The following PCDH11X variants were observed in gnomAD, a reference collection of about 807,000 sequenced individuals.
The protein encoded by PCDH11X is protocadherin-11 X-linked.
PCDH11X carries 18 observed loss-of-function variants against 53.3 expected under a neutral mutation model. That is an observed-to-expected ratio of 0.34 (90% CI 0.23 to 0.50). The LOEUF (loss-of-function observed/expected upper bound fraction) is 0.50. PCDH11X is among the 20% of genes least tolerant of loss of function. The pLI, the probability that PCDH11X is intolerant of heterozygous loss-of-function variation, is 0.98. For synonymous variants in PCDH11X, 279 were observed against 393.3 expected, an observed-to-expected ratio of 0.71 and a Z score of 3.44; for missense variants, 570 against 1,032.4, an observed-to-expected ratio of 0.55 and a Z score of 6.14.
intron 6 of PCDH11X, among the ~76,000 whole-genome samples, chrX:92,113,061 A>G (rs1347056506): frequency 9.3e-6 from 1 of 107,936 alleles, no homozygotes; most frequent in Non-Finnish European, 1.9e-5. Context: ...CAGTACTTCT[A>G]CTTTAACCAT....
chrX:92,177,857 ATAAAT>A lies in PCDH11X; in HGVS notation c.3034-23515_3034-23511del, dbSNP rs1466548697. 9.0e-5 allele frequency among the ~76,000 whole-genome samples: 10 copies of A among 110,828 alleles called. No individual in the cohort carries two copies. In the South Asian group the frequency reaches 1.1e-3, roughly 12 times the overall value. ...CAATTTGGAAAATTATATATTAATG[ATAAAT>A]TATATTATATATACATATACACACA... On this transcript the variant is annotated intron_variant, in intron 6 of 10. Transcript: ENST00000682573.
intron 8 of PCDH11X, among the ~76,000 whole-genome samples, chrX:92,346,518 A>T (rs185181000): frequency 9.0e-6 from 1 of 111,652 alleles, no homozygotes; most frequent in Non-Finnish European, 1.9e-5. Context: ...CTTGAACTTT[A>T]TCTTACCATC....
intron 6 of PCDH11X, chrX:91,982,540 A>G (rs1290124419): frequency 3.8e-5 from 16 of 420,872 alleles, no homozygotes; most frequent in Non-Finnish European, 5.8e-5. Flanking sequence ...TGGAGGGGTA[A>G]CATATTTAGC....
rs1193523893 is a variant in PCDH11X at position 91,989,288 on chromosome X, C to T, written c.3033+110015C>T. Among the ~76,000 whole-genome samples the T allele has an allele frequency of 8.1e-5, 9 of 111,027 alleles. No individual in the cohort carries two copies. In the East Asian group the frequency reaches 2.0e-3, roughly 24 times the overall value. ...GAAAGAAGAAGAAAAGAAGGCCGGG[C>T]GCGGTGGCTCATGCCTGTAATCCCA... On this transcript the variant is annotated intron_variant, in intron 6 of 10. Transcript: ENST00000682573.
intron 6 of PCDH11X, among the ~76,000 whole-genome samples, chrX:91,888,522 G>C (rs1377464909): frequency 9.1e-6 from 1 of 109,478 alleles, no homozygotes; most frequent in Non-Finnish European, 1.9e-5. Context: ...GGGTTTGGTG[G>C]TGCATATCTG....
At chrX:92,148,161 C>T (rs867450538) in intron 6 of PCDH11X, among the ~76,000 whole-genome samples, 7 of 20,475 alleles carry the variant, frequency 3.4e-4, no homozygotes, top group Non-Finnish European at 5.5e-4. Context: ...TCCTTCCTTC[C>T]TTCCTTCCTT....
chrX:92,157,435 A>T (rs2065557576), intron 6 of PCDH11X, among the ~76,000 whole-genome samples: 1 of 111,921 alleles, frequency 8.9e-6, no homozygotes, highest in Non-Finnish European at 1.9e-5. Flanking sequence ...AAAGTGAAGG[A>T]TATAGATCCA....
At chrX:92,404,543 A>G (rs1289057906) in intron 9 of PCDH11X, among the ~76,000 whole-genome samples, 3 of 110,665 alleles carry the variant, frequency 2.7e-5, no homozygotes, top group Non-Finnish European at 5.7e-5. Flanking sequence ...AAATTTATAC[A>G]AGACATTTAT....
intron 5 of PCDH11X, among the ~76,000 whole-genome samples, chrX:91,869,283 C>CATACTGAG (rs1420406736): frequency 9.0e-6 from 1 of 110,571 alleles, no homozygotes; most frequent in Admixed American, 9.6e-5. Flanking sequence ...ATAAGTTTCT[C>CATACTGAG]ATACTGAGAG....
At chrX:92,566,777 G>A (rs1205548850) in intron 10 of PCDH11X, among the ~76,000 whole-genome samples, 1 of 111,849 alleles carries the variant, frequency 8.9e-6, no homozygotes, top group African/African-American at 3.2e-5. Flanking sequence ...CTTTTTGCCA[G>A]TTAGAAAAGT....
intron 10 of PCDH11X, among the ~76,000 whole-genome samples, chrX:92,584,789 C>CTTTTTTTTTTTTTTT (rs1171667582): frequency 1.5e-5 from 1 of 65,113 alleles, no homozygotes; most frequent in African/African-American, 7.0e-5. Context: ...TCTTTTTTTC[C>CTTTTTTTTTTTTTTT]TTTTTTTTTT....
intron 6 of PCDH11X, among the ~76,000 whole-genome samples, chrX:91,926,312 A>G (rs2037391559): frequency 9.1e-6 from 1 of 110,181 alleles, no homozygotes; most frequent in African/African-American, 3.3e-5. Flanking sequence ...TCAGGCCTTC[A>G]GTTGATTGGA....
At chrX:91,946,076 A>T (rs1001192849) in intron 6 of PCDH11X, among the ~76,000 whole-genome samples, 1 of 109,251 alleles carries the variant, frequency 9.2e-6, no homozygotes, top group African/African-American at 3.3e-5. Flanking sequence ...GAAACGGAAT[A>T]CTCAGAGCCA....
chrX:92,582,325 G>T (rs1334577299), intron 10 of PCDH11X, among the ~76,000 whole-genome samples: 1 of 108,063 alleles, frequency 9.3e-6, no homozygotes, highest in Non-Finnish European at 1.9e-5. Context: ...CCCCTGTTAT[G>T]CACAGGCTAG....
chrX:92,216,403 A>G (rs1342592873), intron 7 of PCDH11X, among the ~76,000 whole-genome samples: 5 of 105,755 alleles, frequency 4.7e-5, no homozygotes, highest in Non-Finnish European at 9.8e-5. Context: ...TATGTGAAGA[A>G]TGCAGAAGCC....
chrX:91,948,891 A>G (rs1296030173), intron 6 of PCDH11X, among the ~76,000 whole-genome samples: 2 of 110,589 alleles, frequency 1.8e-5, no homozygotes, highest in Non-Finnish European at 3.8e-5. Flanking sequence ...TAAGATATAG[A>G]AGGTGAGGAT....
intron 9 of PCDH11X, among the ~76,000 whole-genome samples, chrX:92,453,085 T>G (rs914911007): frequency 2.5e-4 from 26 of 105,705 alleles, no homozygotes; most frequent in Non-Finnish European, 4.2e-4. Flanking sequence ...TCTCCACTTC[T>G]CTTAAATCTG....
intron 10 of PCDH11X, among the ~76,000 whole-genome samples, chrX:92,477,917 G>A (rs748666984): frequency 2.4e-3 from 254 of 106,200 alleles, no homozygotes; most frequent in African/African-American, 8.3e-3. Flanking sequence ...GTTTGGCTCT[G>A]TGTTCCCCTC....
chrX:92,424,648 C>G (rs2072064200), intron 9 of PCDH11X, among the ~76,000 whole-genome samples: 1 of 97,302 alleles, frequency 1.0e-5, no homozygotes, highest in East Asian at 3.0e-4. Flanking sequence ...CTCTATACCT[C>G]TGTCGAGCTT....
Sources: gnomAD v4.1 joint callset for allele counts (sites outside exome capture counted in the v4.1 genomes callset) on GRCh38, gnomAD v4.1.1 for gene constraint, MANE v1.5 for transcripts, NCBI Gene and HGNC (gene_info 2026-07-23, HGNC 2026-07-21) for gene names.